Variants in HOXD8 observed in about 807,000 individuals in gnomAD.
HOXD8 encodes the protein homeobox protein Hox-D8.
A neutral mutation model predicts 25.4 loss-of-function variants in HOXD8; 17 were observed. That is an observed-to-expected ratio of 0.67 (90% CI 0.46 to 1.00). The LOEUF (loss-of-function observed/expected upper bound fraction) is 1.00. Among genes scored for constraint, HOXD8 ranks in the 50% least tolerant of loss-of-function variants. HOXD8 has a pLI of 0.00. For missense variants in HOXD8, 511 were observed against 398.5 expected (o/e 1.28, Z -2.40); for synonymous variants, 203 against 175.3 (o/e 1.16, Z -1.25).
rs1387647982 is a variant in HOXD8 at position 176,131,721 on chromosome 2, C to T, written c.*109C>T. On this transcript the variant is annotated 3_prime_UTR_variant, in exon 2 of 2. Coordinates refer to ENST00000313173, the MANE Select transcript of HOXD8 (RefSeq NM_019558.4). ...AGGACCTTACCTGTGTTTCAAGCTA[C>T]CTTCATGTCACTGCTCTTGAGGTTT... 1.5e-6 allele frequency: 1 copy of T among 657,292 alleles called. No individual in the cohort carries two copies. The highest frequency in any genetic ancestry group is 2.6e-6 in the Non-Finnish European group (1 of 379,582). 40.7% of individuals were successfully genotyped at this position (657,292 alleles called of 1,614,324 possible). A position where few individuals can be genotyped will look rare whatever the true frequency, so the allele number is the denominator to read the frequency against.
At position 176,129,733 on chromosome 2, in the gene HOXD8, C is replaced by G. The variant is rs913939857; in HGVS notation, c.-634C>G. On this transcript the variant is annotated 5_prime_UTR_variant, in exon 1 of 2. Transcript: ENST00000313173. ...CGCGGGGCTCCTCGTCCCCGTCACG[C>G]TGACTTTCCGTGCAGTGCTGTGGTG... 6 of 366,126 alleles carry G rather than the reference C, an allele frequency of 1.6e-5. No homozygotes were observed. The highest frequency in any genetic ancestry group is 2.3e-5 in the Non-Finnish European group (4 of 177,390). 22.7% of individuals were successfully genotyped at this position (366,126 alleles called of 1,614,324 possible).
chr2:176,130,448 A>G lies in HOXD8; in HGVS notation c.82A>G (p.Asn28Asp), dbSNP rs1265690987. The G allele has an allele frequency of 6.7e-7, 1 of 1,493,276 alleles. No individual in the cohort carries two copies. The highest frequency in any genetic ancestry group is 8.9e-7 in the Non-Finnish European group (1 of 1,127,722). 92.5% of individuals were successfully genotyped at this position (1,493,276 alleles called of 1,614,324 possible). ...GGCGGCGGCGGCGGGCGAGGCCATC[A>G]ATCCCACTTACTACGACTGTCACTT... The part of the protein sequence containing the change: ...AAAAAAGEAI[N>D]PTYYDCHFAP... Residue 28 changes from asparagine to aspartate, a missense_variant, in exon 1 of 2, where the codon AAT becomes GAT. Transcript: ENST00000313173.
rs1447936358 is a variant in HOXD8 at position 176,129,982 on chromosome 2, AG to A, written c.-383del. On this transcript the variant is annotated 5_prime_UTR_variant, in exon 1 of 2. Coordinates refer to ENST00000313173, the MANE Select transcript of HOXD8 (RefSeq NM_019558.4). ...GTGCGCTCAGTCACTGGTGCCTGAGAGGAAACAGTGGAGGCAGCGGGGCAGG... is the reference window on the plus strand; with the variant it reads ...GTGCGCTCAGTCACTGGTGCCTGAGAGAAACAGTGGAGGCAGCGGGGCAGG... 1 of 154,208 alleles carries A rather than the reference AG, an allele frequency of 6.5e-6. No individual in the cohort carries two copies. The highest frequency in any genetic ancestry group is 2.4e-5 in the African/African-American group (1 of 41,194). The allele number at this position is 154,208 out of a possible 1,614,324, so 9.6% of individuals were successfully genotyped here. A position where few individuals can be genotyped will look rare whatever the true frequency, so the allele number is the denominator to read the frequency against.
At chr2:176,131,054 A>T (rs1032708892) in intron 1 of HOXD8, 111 bp downstream of exon 1, 36 of 768,434 alleles carry the variant, frequency 4.7e-5, no homozygotes, top group Non-Finnish European at 7.5e-5. Context: ...CTTCTTGTGT[A>T]GCCACAGTGG....
chr2:176,131,174 C>CTA (rs3835104), intron 1 of HOXD8, 143 bp from the exon 2 acceptor site: 295,425 of 611,646 alleles, frequency 0.48, 52,746 homozygotes, highest in Admixed American at 0.59. Flanking sequence ...CCTGCACACC[C>CTA]TATATATATA....
At position 176,130,641 on chromosome 2, in the gene HOXD8, A is replaced by T; in HGVS notation, c.275A>T (p.Glu92Val). Residue 92 changes from glutamate (E) to valine (V), a missense_variant, in exon 1 of 2, where the codon GAG becomes GTG. Physicochemically the swap from Glu to Val is moderately radical, Grantham distance 121. Transcript: ENST00000313173. The part of the protein sequence containing the change: ...GCGGREGRGQ[E>V]YFHPGGGSPA... ...GGCGGTAGGGAAGGCCGGGGCCAGG[A>T]GTACTTCCACCCCGGCGGGGGCAGC... 4 of 1,547,796 alleles carry T rather than the reference A, an allele frequency of 2.6e-6. No individual in the cohort carries two copies. Among genetic ancestry groups the T allele is most frequent in the Middle Eastern group, 1.8e-4 (1 of 5,496 alleles).
Position 176,130,430 on chromosome 2 carries a change from G to A in HOXD8, c.64G>A (p.Ala22Thr). Residue 22 changes from alanine (A) to threonine (T), a missense_variant, in exon 1 of 2, where the codon GCG (alanine) becomes ACG (threonine). By Grantham distance (58) the Ala-to-Thr change is moderately conservative. Transcript: ENST00000313173. ...KYKAAAAAAA[A>T]AGEAINPTYY... ...CAAGGCGGCGGCTGCGGCGGCGGCG[G>A]CGGCGGGCGAGGCCATCAATCCCAC... The A allele has an allele frequency of 1.3e-6, 2 of 1,489,598 alleles. No individual in the cohort carries two copies. Among genetic ancestry groups the A allele is most frequent in the Non-Finnish European group, 1.8e-6 (2 of 1,126,704 alleles). 92.3% of individuals were successfully genotyped at this position (1,489,598 alleles called of 1,614,324 possible).
Position 176,129,721 on chromosome 2 carries a change from G to A in HOXD8, c.-646G>A, listed in dbSNP as rs1443413072. 8.2e-6 allele frequency: 3 copies of A among 367,564 alleles called. No individual in the cohort carries two copies. In the Admixed American group the frequency reaches 1.1e-4, roughly 14 times the overall value. The allele number at this position is 367,564 out of a possible 1,614,324, so 22.8% of individuals were successfully genotyped here. Reference sequence around the variant, plus strand: ...CGCGGATCCCTCCGCGGGGCTCCTCGTCCCCGTCACGCTGACTTTCCGTGC... The same window carrying A: ...CGCGGATCCCTCCGCGGGGCTCCTCATCCCCGTCACGCTGACTTTCCGTGC... On this transcript the variant is annotated 5_prime_UTR_variant, in exon 1 of 2. Transcript: ENST00000313173.
chr2:176,131,251 C>T, intron 1 of HOXD8, 66 bp from the exon 2 acceptor site: 1 of 1,463,724 alleles, frequency 6.8e-7, no homozygotes, highest in Non-Finnish European at 9.2e-7. Context: ...CCTCCAGCAA[C>T]ATGCAGAGGT....
At position 176,129,928 on chromosome 2, in the gene HOXD8, T is replaced by C. The variant is rs1188177105; in HGVS notation, c.-439T>C. 3 of 176,710 alleles carry C rather than the reference T, an allele frequency of 1.7e-5. No individual in the cohort carries two copies. Among genetic ancestry groups the C allele is most frequent in the African/African-American group, 2.4e-5 (1 of 41,110 alleles). The allele number at this position is 176,710 out of a possible 1,614,324, so 10.9% of individuals were successfully genotyped here. ...GTAAACCGAGGCCAGAGTGTCCCCG[T>C]GGGCCGAGCGCACTTTTTTCTTGTC... On this transcript the variant is annotated 5_prime_UTR_variant, in exon 1 of 2. Coordinates refer to ENST00000313173, the MANE Select transcript of HOXD8 (RefSeq NM_019558.4).
Position 176,131,517 on chromosome 2 carries a change from A to G in HOXD8, c.778A>G (p.Lys260Glu), listed in dbSNP as rs1199131846. The G allele has an allele frequency of 6.2e-7, 1 of 1,613,918 alleles. No individual in the cohort carries two copies. The highest frequency in any genetic ancestry group is 8.5e-7 in the Non-Finnish European group (1 of 1,179,952). ...MKWKKENNKD[K>E]FPVSRQEVKD... ...ATGGAAAAAGGAAAACAACAAGGAC[A>G]AATTTCCCGTTTCCCGGCAGGAGGT... is the stretch of plus-strand genomic sequence containing the variant. The change falls in exon 2 of 2, where the codon AAA (lysine) becomes GAA (glutamate). Residue 260 changes from lysine (K) to glutamate (E), a missense_variant. Lys to Glu is a moderately conservative substitution (Grantham distance 56). Transcript: ENST00000313173.
In HOXD8 at chr2:176,130,423, G is replaced by T. The variant is rs577712646; in HGVS notation, c.57G>T (p.Ala19=). The T allele has an allele frequency of 9.6e-5, 142 of 1,479,024 alleles. No homozygotes were observed. In the African/African-American group the frequency reaches 1.8e-3, roughly 18 times the overall value. The allele number at this position is 1,479,024 out of a possible 1,614,324, so 91.6% of individuals were successfully genotyped here. ...LYSKYKAAAA[A]AAAAGEAINP... is the part of the protein sequence containing the mutation. ...CCAAGTACAAGGCGGCGGCTGCGGCGGCGGCGGCGGCGGGCGAGGCCATCA... is the reference window on the plus strand; with the variant it reads ...CCAAGTACAAGGCGGCGGCTGCGGCTGCGGCGGCGGCGGGCGAGGCCATCA... The change falls in exon 1 of 2, where the codon GCG becomes GCT. Residue 19 remains alanine, a synonymous_variant. Transcript: ENST00000313173.
In HOXD8 at chr2:176,130,597, G is replaced by A; in HGVS notation, c.231G>A (p.Pro77=). The part of the protein sequence containing the change: ...QAHAHPHPSP[P]PSGTGCGGRE... ...ACGCGCACCCGCACCCGTCCCCGCC[G>A]CCCTCCGGGACTGGGTGCGGCGGTA... The change falls in exon 1 of 2, where the codon CCG becomes CCA. Residue 77 remains proline, a synonymous_variant. Coordinates refer to ENST00000313173, the MANE Select transcript of HOXD8 (RefSeq NM_019558.4). 2 of 1,467,214 alleles carry A rather than the reference G, an allele frequency of 1.4e-6. No individual in the cohort carries two copies. The highest frequency in any genetic ancestry group is 1.8e-6 in the Non-Finnish European group (2 of 1,121,950). 90.9% of individuals were successfully genotyped at this position (1,467,214 alleles called of 1,614,324 possible).
rs1363903358 is a variant in HOXD8, at chr2:176,129,785, G to C, written c.-582G>C. On this transcript the variant is annotated 5_prime_UTR_variant, in exon 1 of 2. Transcript: ENST00000313173. Reference sequence around the variant, plus strand: ...GAAAATGCCTCGCCGGTGCGCACCGGGTCGGCAGCCTCGGCGGCGGGGGCG... The same window carrying C: ...GAAAATGCCTCGCCGGTGCGCACCGCGTCGGCAGCCTCGGCGGCGGGGGCG... The C allele has an allele frequency of 1.3e-5, 3 of 238,612 alleles. No individual in the cohort carries two copies. The highest frequency in any genetic ancestry group is 2.6e-5 in the Non-Finnish European group (3 of 113,270). 14.8% of individuals were successfully genotyped at this position (238,612 alleles called of 1,614,324 possible). A position where few individuals can be genotyped will look rare whatever the true frequency, so the allele number is the denominator to read the frequency against.
In HOXD8 at chr2:176,130,070, G is replaced by A. The variant is rs1381818219; in HGVS notation, c.-297G>A. On this transcript the variant is annotated 5_prime_UTR_variant, in exon 1 of 2. Coordinates refer to ENST00000313173, the MANE Select transcript of HOXD8 (RefSeq NM_019558.4). ...CGGGGCGCGCCGGGAAAGGCCGGGA[G>A]GGCGGCGGCGCGCGGGGGCTGGGCG... is the stretch of plus-strand genomic sequence containing the variant. 1 of 150,780 alleles carries A rather than the reference G, an allele frequency of 6.6e-6. No individual in the cohort carries two copies. Among genetic ancestry groups the A allele is most frequent in the Non-Finnish European group, 1.5e-5 (1 of 67,834 alleles). The allele number at this position is 150,780 out of a possible 1,614,324, so 9.3% of individuals were successfully genotyped here. A position where few individuals can be genotyped will look rare whatever the true frequency, so the allele number is the denominator to read the frequency against.
rs1439029505 is a variant in HOXD8 at position 176,130,671 on chromosome 2, C to G, written c.305C>G (p.Ala102Gly). The G allele has an allele frequency of 9.6e-6, 15 of 1,556,286 alleles. No individual in the cohort carries two copies. The highest frequency in any genetic ancestry group is 1.3e-5 in the Non-Finnish European group (15 of 1,154,196). ...EYFHPGGGSP[A>G]AAYQAAPPPP... ...TTCCACCCCGGCGGGGGCAGCCCGG[C>G]CGCTGCCTACCAGGCCGCCCCCCCT... Residue 102 changes from alanine to glycine, a missense_variant, in exon 1 of 2, where the codon GCC (alanine) becomes GGC (glycine). Transcript: ENST00000313173.
At position 176,130,870 on chromosome 2, in the gene HOXD8, T is replaced by C. The variant is rs1690089686; in HGVS notation, c.504T>C (p.Asn168=). 2 of 1,612,430 alleles carry C rather than the reference T, an allele frequency of 1.2e-6. No individual in the cohort carries two copies. Among genetic ancestry groups the C allele is most frequent in the Admixed American group, 3.3e-5 (2 of 59,940 alleles). The part of the protein sequence containing the change: ...QYPDCKSSSG[N]IGEDPDHLNQ... ...CTGACTGTAAATCGTCCAGTGGTAA[T>C]ATTGGCGAGGACCCAGACCACTTAA... The change falls in exon 1 of 2, where the codon AAT becomes AAC. Residue 168 remains asparagine, a synonymous_variant. Coordinates refer to ENST00000313173, the MANE Select transcript of HOXD8 (RefSeq NM_019558.4).
rs764664828 is a variant in HOXD8 at position 176,130,408 on chromosome 2, G to GGCGGCGGCT, written c.51_59dup (p.Ala21_Ala23dup). ...TGAACCCGCTGTACTCCAAGTACAAGGCGGCGGCTGCGGCGGCGGCGGCGG... is the reference window on the plus strand; with the variant it reads ...TGAACCCGCTGTACTCCAAGTACAAGGCGGCGGCTGCGGCGGCTGCGGCGGCGGCGGCGG... On this transcript the variant is annotated inframe_insertion, in exon 1 of 2. Transcript: ENST00000313173. 4.7e-6 allele frequency: 7 copies of GGCGGCGGCT among 1,488,012 alleles called. No homozygotes were observed. The highest frequency in any genetic ancestry group is 5.7e-5 in the East Asian group (2 of 35,340). 92.2% of individuals were successfully genotyped at this position (1,488,012 alleles called of 1,614,324 possible). A position where few individuals can be genotyped will look rare whatever the true frequency, so the allele number is the denominator to read the frequency against.
Position 176,130,698 on chromosome 2 carries a change from C to G in HOXD8, c.332C>G (p.Pro111Arg). The G allele has an allele frequency of 1.3e-6, 2 of 1,594,572 alleles. No homozygotes were observed. Among genetic ancestry groups the G allele is most frequent in the African/African-American group, 1.3e-5 (1 of 74,256 alleles). ...PAAAYQAAPP[P>R]PPHPPPPPPP... ...GCTGCCTACCAGGCCGCCCCCCCTC[C>G]TCCTCCGCATCCTCCGCCTCCGCCG... The change falls in exon 1 of 2, where the codon CCT becomes CGT. Residue 111 changes from proline to arginine, a missense_variant. By Grantham distance (103) the Pro-to-Arg change is moderately radical (BLOSUM62 -2). Transcript: ENST00000313173.
Sources: gnomAD v4.1 joint callset for allele counts on GRCh38, gnomAD v4.1.1 for gene constraint, MANE v1.5 for transcripts, NCBI Gene and HGNC (gene_info 2026-07-23, HGNC 2026-07-21) for gene names.